Variants in STXBP5L observed in about 807,000 individuals in gnomAD.
The protein encoded by STXBP5L is syntaxin binding protein 5L, also known as syntaxin-binding protein 5-like.
In STXBP5L, 65 loss-of-function variants were observed where a neutral mutation model predicts 144.5. That is an observed-to-expected ratio of 0.45 (90% CI 0.37 to 0.55). The LOEUF (loss-of-function observed/expected upper bound fraction) is 0.55. STXBP5L is among the 20% of genes least tolerant of loss of function. STXBP5L has a pLI of 0.00. For synonymous variants in STXBP5L, 505 were observed against 469.6 expected, an observed-to-expected ratio of 1.08 and a Z score of -0.97; for missense variants, 1,298 against 1,405.5, an observed-to-expected ratio of 0.92 and a Z score of 1.22.
chr3:121,367,113 A>T (rs2045885187), intron 20 of STXBP5L, among the ~76,000 whole-genome samples: 1 of 152,148 alleles, frequency 6.6e-6, no homozygotes, highest in African/African-American at 2.4e-5. Context: ...TGAACTAATA[A>T]TTCCTTTAAA....
At chr3:121,202,889 A>G (rs2048191291) in intron 9 of STXBP5L, among the ~76,000 whole-genome samples, 2 of 151,858 alleles carry the variant, frequency 1.3e-5, no homozygotes, top group South Asian at 4.1e-4. Flanking sequence ...CTTGGAGTTT[A>G]TTGAAATTCT....
At chr3:121,110,420 T>G (rs1422402644) in intron 5 of STXBP5L, among the ~76,000 whole-genome samples, 9 of 152,210 alleles carry the variant, frequency 5.9e-5, no homozygotes, top group Admixed American at 5.9e-4. Context: ...AAGATGGGCC[T>G]GGTGGTGACA....
At chr3:121,234,524 G>C (rs2049411889) in intron 12 of STXBP5L, among the ~76,000 whole-genome samples, 2 of 152,078 alleles carry the variant, frequency 1.3e-5, no homozygotes, top group Non-Finnish European at 2.9e-5. Flanking sequence ...ATTTGCTGTT[G>C]CTTAAAGATT....
At chr3:121,208,033 T>G (rs1182284042) in intron 10 of STXBP5L, among the ~76,000 whole-genome samples, 1 of 151,936 alleles carries the variant, frequency 6.6e-6, no homozygotes, top group Non-Finnish European at 1.5e-5. Flanking sequence ...CACATGCACA[T>G]GTATGTTTAT....
At chr3:121,100,811 G>A (rs535265863) in intron 5 of STXBP5L, among the ~76,000 whole-genome samples, 3 of 151,378 alleles carry the variant, frequency 2.0e-5, no homozygotes, top group Non-Finnish European at 4.4e-5. Flanking sequence ...AAAAAAAGTT[G>A]GTTCTTTGAA....
chr3:121,259,010 C>G, intron 17 of STXBP5L, 33 bp from the exon 18 acceptor site: 1 of 1,521,508 alleles, frequency 6.6e-7, no homozygotes, highest in South Asian at 1.4e-5. Context: ...TTTATTTAAG[C>G]TGTATATAAT....
chr3:121,347,274 A>G (rs141802693), intron 20 of STXBP5L, among the ~76,000 whole-genome samples: 15,145 of 151,992 alleles, frequency 0.1, 947 homozygotes, highest in Non-Finnish European at 0.14. Flanking sequence ...GATATGTGGC[A>G]TTATTTCTGA....
chr3:120,976,567 T>G (rs1018364392), intron 3 of STXBP5L, among the ~76,000 whole-genome samples: 1 of 152,186 alleles, frequency 6.6e-6, no homozygotes, highest in Non-Finnish European at 1.5e-5. Context: ...TGATTTTAGT[T>G]ATTTCTTGCC....
intron 7 of STXBP5L, among the ~76,000 whole-genome samples, chr3:121,147,826 A>G (rs2045773345): frequency 6.6e-6 from 1 of 152,164 alleles, no homozygotes; most frequent in Non-Finnish European, 1.5e-5. Context: ...TTTTCAAGTA[A>G]GAGAGAATTC....
intron 19 of STXBP5L, among the ~76,000 whole-genome samples, chr3:121,287,618 C>T (rs1210017425): frequency 6.6e-6 from 1 of 151,882 alleles, no homozygotes; most frequent in Non-Finnish European, 1.5e-5. Context: ...ATCACGAGGT[C>T]AGGGGTTCGA....
At chr3:120,983,162 G>T (rs1941959660) in intron 3 of STXBP5L, among the ~76,000 whole-genome samples, 1 of 152,160 alleles carries the variant, frequency 6.6e-6, no homozygotes, top group African/African-American at 2.4e-5. Flanking sequence ...CCTGAGGGTG[G>T]CAGAGGCAGC....
chr3:120,940,183 C>G (rs189396120), intron 2 of STXBP5L, among the ~76,000 whole-genome samples: 1 of 151,844 alleles, frequency 6.6e-6, no homozygotes, highest in East Asian at 1.9e-4. Flanking sequence ...AAAATAGATT[C>G]AACAAAAGAT....
intron 2 of STXBP5L, among the ~76,000 whole-genome samples, chr3:120,914,360 T>C (rs1708999080): frequency 6.6e-6 from 1 of 152,112 alleles, no homozygotes; most frequent in Admixed American, 6.5e-5. Context: ...TTTTTATAAA[T>C]GGTCACAATG....
intron 2 of STXBP5L, among the ~76,000 whole-genome samples, chr3:120,920,160 A>G (rs1709293089): frequency 6.6e-6 from 1 of 151,806 alleles, no homozygotes. Flanking sequence ...GTAACTCTTT[A>G]AGTCACAGTT....
intron 5 of STXBP5L, among the ~76,000 whole-genome samples, chr3:121,068,685 A>T (rs990077679): frequency 6.6e-6 from 1 of 152,054 alleles, no homozygotes; most frequent in Admixed American, 6.5e-5. Flanking sequence ...TTTAAACCCT[A>T]TAATACATTG....
chr3:120,939,301 C>A (rs999376766), intron 2 of STXBP5L, among the ~76,000 whole-genome samples: 1 of 152,130 alleles, frequency 6.6e-6, no homozygotes, highest in African/African-American at 2.4e-5. Flanking sequence ...AAGAGGACAG[C>A]TGTCATTTTC....
intron 2 of STXBP5L, among the ~76,000 whole-genome samples, chr3:120,912,061 C>G (rs934508309): frequency 1.3e-5 from 2 of 152,000 alleles, no homozygotes; most frequent in Non-Finnish European, 2.9e-5. Flanking sequence ...TCTCTTCTAT[C>G]TGATTAGTCA....
chr3:120,934,236 C>T (rs142784882), intron 2 of STXBP5L, among the ~76,000 whole-genome samples: 38 of 151,976 alleles, frequency 2.5e-4, no homozygotes, highest in African/African-American at 8.9e-4. Context: ...GTAAATTTCT[C>T]ATATGACTTC....
rs1462808700 is a variant in STXBP5L at position 120,991,437 on chromosome 3, T to A, written c.287+36400T>A. Reference sequence around the variant, plus strand: ...AGTCAGTGTGGCGATTCCTCAGGGATCTAGAACTAGAAATACCATTTGACC... The same window carrying A: ...AGTCAGTGTGGCGATTCCTCAGGGAACTAGAACTAGAAATACCATTTGACC... On this transcript the variant is annotated intron_variant, in intron 3 of 26. Coordinates refer to ENST00000471454, the MANE Select transcript of STXBP5L (RefSeq NM_001308330.2). Among the ~76,000 whole-genome samples the A allele has an allele frequency of 9.1e-3, 1,390 of 152,014 alleles. 11 individuals are homozygous for A. The highest frequency in any genetic ancestry group is 0.015 in the Non-Finnish European group (1,029 of 67,950).
Sources: gnomAD v4.1 joint callset for allele counts (sites outside exome capture counted in the v4.1 genomes callset) on GRCh38, gnomAD v4.1.1 for gene constraint, MANE v1.5 for transcripts, NCBI Gene and HGNC (gene_info 2026-07-23, HGNC 2026-07-21) for gene names.